The following PTPRR variants were observed in gnomAD, a reference collection of about 807,000 sequenced individuals.
PTPRR encodes the protein protein tyrosine phosphatase receptor type R.
In PTPRR, 38 loss-of-function variants were observed where a neutral mutation model predicts 77.2. That is an observed-to-expected ratio of 0.49 (90% CI 0.38 to 0.65). The LOEUF (loss-of-function observed/expected upper bound fraction) is 0.65, where lower values mean the gene tolerates loss of function less well. PTPRR is among the 30% of genes least tolerant of loss of function. The probability of loss-of-function intolerance (pLI) is 0.00; values close to 1 mark genes in which losing one functional copy is unlikely to be tolerated. For missense variants in PTPRR, 744 were observed against 799.2 expected, an observed-to-expected ratio of 0.93 and a Z score of 0.83; for synonymous variants, 299 against 283.1, an observed-to-expected ratio of 1.06 and a Z score of -0.57.
chr12:70,641,476 T>C (rs1885998142), intron 13 of PTPRR, among the ~76,000 whole-genome samples: 1 of 152,206 alleles, frequency 6.6e-6, no homozygotes, highest in South Asian at 2.1e-4. Flanking sequence ...AATTTAATGG[T>C]TGGAGTATAT....
At chr12:70,850,431 G>T (rs1025502047) in intron 2 of PTPRR, among the ~76,000 whole-genome samples, 3 of 151,974 alleles carry the variant, frequency 2.0e-5, no homozygotes, top group African/African-American at 7.2e-5. Flanking sequence ...TTAAAGCAAG[G>T]TTGCTTGAAA....
intron 1 of PTPRR, among the ~76,000 whole-genome samples, chr12:70,903,643 A>G (rs1388758932): frequency 1.3e-5 from 2 of 151,850 alleles, no homozygotes; most frequent in Non-Finnish European, 2.9e-5. Flanking sequence ...AGAAGAAAAC[A>G]TAGAATAAAA....
intron 2 of PTPRR, among the ~76,000 whole-genome samples, chr12:70,878,724 C>T (rs886341155): frequency 8.5e-5 from 13 of 152,158 alleles, no homozygotes; most frequent in African/African-American, 3.1e-4. Context: ...CTAGAAATAC[C>T]ATTTGACCCA....
chr12:70,787,118 A>G (rs1891339261), intron 2 of PTPRR, among the ~76,000 whole-genome samples: 1 of 152,240 alleles, frequency 6.6e-6, no homozygotes, highest in Non-Finnish European at 1.5e-5. Flanking sequence ...ACTTTGATGC[A>G]CAACATGACT....
At chr12:70,808,462 G>A (rs996880324) in intron 2 of PTPRR, among the ~76,000 whole-genome samples, 10 of 152,056 alleles carry the variant, frequency 6.6e-5, no homozygotes, top group Non-Finnish European at 1.2e-4. Context: ...AGCTCAGGGG[G>A]CATCACAGAA....
intron 11 of PTPRR, among the ~76,000 whole-genome samples, chr12:70,661,610 T>C (rs1886802647): frequency 6.6e-6 from 1 of 152,206 alleles, no homozygotes; most frequent in Non-Finnish European, 1.5e-5. Context: ...GAGATCCCTC[T>C]ATTGGAAACA....
At chr12:70,846,498 TTG>T (rs1307522029) in intron 2 of PTPRR, among the ~76,000 whole-genome samples, 4 of 152,138 alleles carry the variant, frequency 2.6e-5, no homozygotes, top group Non-Finnish European at 5.9e-5. Context: ...GGCATTGCTA[TTG>T]TGTGAATGTT....
chr12:70,903,630 T>C (rs1246652504), intron 1 of PTPRR, among the ~76,000 whole-genome samples: 1 of 151,710 alleles, frequency 6.6e-6, no homozygotes, highest in Non-Finnish European at 1.5e-5. Context: ...CTATAGAACT[T>C]TTAGAAGAAA....
chr12:70,767,709 T>C lies in PTPRR; in HGVS notation c.358-2931A>G, dbSNP rs185359459. Among the ~76,000 whole-genome samples the C allele has an allele frequency of 1.8e-3, 268 of 152,230 alleles. 13 individuals carry two copies. The highest frequency in any genetic ancestry group is 0.017 in the Admixed American group (266 of 15,280). On this transcript the variant is annotated intron_variant, in intron 2 of 13. Transcript: ENST00000283228. ...TTCTCCATCCCAAATCAACAGAATA[T>C]ACATTTTTTTCAGCACCACACCACA...
chr12:70,722,836 A>T (rs1889307211), intron 6 of PTPRR, among the ~76,000 whole-genome samples: 1 of 152,180 alleles, frequency 6.6e-6, no homozygotes, highest in Non-Finnish European at 1.5e-5. Flanking sequence ...CGCCGTCATA[A>T]AGAAGGTGAG....
intron 2 of PTPRR, among the ~76,000 whole-genome samples, chr12:70,862,474 G>A (rs1892769200): frequency 6.6e-6 from 1 of 151,108 alleles, no homozygotes; most frequent in Admixed American, 6.6e-5. Flanking sequence ...ATCATTCTCA[G>A]TAAACTATCA....
chr12:70,893,051 G>T, intron 1 of PTPRR, 74 bp from the exon 2 acceptor site: 1 of 1,464,440 alleles, frequency 6.8e-7, no homozygotes, highest in Admixed American at 2.0e-5. Context: ...CTGATGAAGA[G>T]GATTACCCTT....
chr12:70,830,022 G>A (rs1405234701), intron 2 of PTPRR, among the ~76,000 whole-genome samples: 1 of 152,114 alleles, frequency 6.6e-6, no homozygotes, highest in Admixed American at 6.5e-5. Context: ...TTGGGTCTTA[G>A]AGTTTGGCTC....
At chr12:70,781,528 C>T (rs1048724268) in intron 2 of PTPRR, among the ~76,000 whole-genome samples, 2 of 152,218 alleles carry the variant, frequency 1.3e-5, no homozygotes, top group African/African-American at 2.4e-5. Flanking sequence ...ATGAAAAGTG[C>T]AAGTTCCCTG....
At chr12:70,910,637 T>C (rs1893686555) in intron 1 of PTPRR, among the ~76,000 whole-genome samples, 1 of 152,184 alleles carries the variant, frequency 6.6e-6, no homozygotes, top group African/African-American at 2.4e-5. Context: ...ATAAAATTTA[T>C]AATTTAAGCC....
At chr12:70,894,498 T>C (rs1893391840) in intron 1 of PTPRR, among the ~76,000 whole-genome samples, 1 of 151,784 alleles carries the variant, frequency 6.6e-6, no homozygotes, top group Admixed American at 6.6e-5. Flanking sequence ...AATCACTTCA[T>C]TGTAGTGATA....
At chr12:70,754,861 A>G (rs1565683742) in intron 4 of PTPRR, 3 of 830,468 alleles carry the variant, frequency 3.6e-6, no homozygotes, top group Non-Finnish European at 5.2e-6. Context: ...TGACTAAAAT[A>G]TCATCTCAAG....
chr12:70,896,462 G>A (rs919415688), intron 1 of PTPRR, among the ~76,000 whole-genome samples: 72 of 151,492 alleles, frequency 4.8e-4, no homozygotes, highest in Admixed American at 8.6e-4. Context: ...TATTCATCTA[G>A]ACAGATCATA....
chr12:70,721,297 A>G (rs1889242625), intron 6 of PTPRR, among the ~76,000 whole-genome samples: 1 of 152,170 alleles, frequency 6.6e-6, no homozygotes, highest in Non-Finnish European at 1.5e-5. Flanking sequence ...ACATATATAA[A>G]ACTTCTGTCT....
Sources: allele counts gnomAD v4.1 joint callset (sites outside exome capture counted in the v4.1 genomes callset), GRCh38; gene constraint gnomAD v4.1.1; transcripts MANE v1.5; gene names NCBI Gene and HGNC (gene_info 2026-07-23, HGNC 2026-07-21).